Variants in CDC42BPG observed in about 807,000 individuals in gnomAD.
The protein encoded by CDC42BPG is serine/threonine-protein kinase MRCK gamma.
A neutral mutation model predicts 192.2 loss-of-function variants in CDC42BPG; 157 were observed. The ratio of observed to expected loss-of-function variants is 0.82; its 90% CI spans 0.72 to 0.93. The LOEUF (loss-of-function observed/expected upper bound fraction) is 0.93. CDC42BPG is among the 40% of genes least tolerant of loss of function. CDC42BPG has a pLI of 0.00. For synonymous variants in CDC42BPG, 981 were observed against 918.5 expected (o/e 1.07, Z -1.23); for missense variants, 1,992 against 2,122.1 (o/e 0.94, Z 1.20).
At position 64,827,557 on chromosome 11, in the gene CDC42BPG, G is replaced by C; in HGVS notation, c.4120C>G (p.Arg1374Gly). ...AGCTGGTTCCTGAGGTAGGTCAGGC[G>C]GACCTTCTCGGTGCCGTAGAGGAAC... is the stretch of plus-strand genomic sequence containing the variant. Reference protein sequence around the residue: ...SLFLYGTEKVRLTYLRNQLAE... With the variant: ...SLFLYGTEKVGLTYLRNQLAE... The change falls in exon 32 of 37, where the codon CGC becomes GGC. Residue 1374 changes from arginine (R) to glycine (G), a missense_variant. Transcript: ENST00000342711. The C allele has an allele frequency of 6.2e-7, 1 of 1,612,758 alleles. No homozygotes were observed. The highest frequency in any genetic ancestry group is 8.5e-7 in the Non-Finnish European group (1 of 1,179,212).
intron 28 of CDC42BPG, among the ~76,000 whole-genome samples, chr11:64,830,966 C>A (rs1384204697): frequency 6.6e-6 from 1 of 152,226 alleles, no homozygotes. Flanking sequence ...GCCTATAATT[C>A]CAGCACTTTG....
chr11:64,827,651 C>T, intron 31 of CDC42BPG, 35 bp downstream of exon 31: 2 of 1,605,344 alleles, frequency 1.2e-6, no homozygotes, highest in East Asian at 2.2e-5. Flanking sequence ...CGCCTCCACC[C>T]CCGGCGCTAC....
chr11:64,844,517 C>A lies in CDC42BPG; in HGVS notation c.53G>T (p.Gly18Val). 7.5e-7 allele frequency: 1 copy of A among 1,327,178 alleles called. No individual in the cohort carries two copies. Among genetic ancestry groups the A allele is most frequent in the Non-Finnish European group, 9.6e-7 (1 of 1,038,934 alleles). The allele number at this position is 1,327,178 out of a possible 1,614,324, so 82.2% of individuals were successfully genotyped here. A position where few individuals can be genotyped will look rare whatever the true frequency, so the allele number is the denominator to read the frequency against. ...LEQLARGEAG[G>V]CPGLDGLLDL... is the part of the protein sequence containing the mutation. Reference sequence around the variant, plus strand: ...TAGGAGGCCGTCGAGCCCCGGGCAGCCGCCGGCCTCGCCCCGCGCCAGCTG... The same window carrying A: ...TAGGAGGCCGTCGAGCCCCGGGCAGACGCCGGCCTCGCCCCGCGCCAGCTG... The change falls in exon 1 of 37, where the codon GGC (glycine) becomes GTC (valine). Residue 18 changes from glycine (G) to valine (V), a missense_variant. By Grantham distance (109) the Gly-to-Val change is moderately radical (BLOSUM62 -3). Transcript: ENST00000342711.
chr11:64,843,993 C>T (rs1375758046), intron 1 of CDC42BPG, among the ~76,000 whole-genome samples: 1 of 152,148 alleles, frequency 6.6e-6, no homozygotes, highest in Admixed American at 6.5e-5. Flanking sequence ...AGTTGTGTGT[C>T]TCAATGCATC....
At chr11:64,840,747 G>C in intron 3 of CDC42BPG, 99 bp from the exon 4 acceptor site, 1 of 1,038,838 alleles carries the variant, frequency 9.6e-7, no homozygotes, top group Non-Finnish European at 1.5e-6. Flanking sequence ...GTGAGTCTGG[G>C]AGCTCAGATG....
rs1171286789 is a variant in CDC42BPG at position 64,833,314 on chromosome 11, G to T, written c.2648C>A (p.Pro883His). The change falls in exon 24 of 37, where the codon CCC (proline) becomes CAC (histidine). Residue 883 changes from proline to histidine, a missense_variant. Pro to His is a moderately conservative substitution (Grantham distance 77). This residue lies in a region of CDC42BPG where 1,656 missense variants were observed against 1,844.3 expected (regional missense o/e 0.90). Coordinates refer to ENST00000342711, the MANE Select transcript of CDC42BPG (RefSeq NM_017525.3). ...PAKPGSHTLR[P>H]RSFPSPTKCL... Reference sequence around the variant, plus strand: ...CTTGGTCGGGGATGGGAAGCTCCGGGGGCGCAGCGTGTGTGAGCCGGGCTG... The same window carrying T: ...CTTGGTCGGGGATGGGAAGCTCCGGTGGCGCAGCGTGTGTGAGCCGGGCTG... 1 of 1,536,618 alleles carries T rather than the reference G, an allele frequency of 6.5e-7. No homozygotes were observed.
At chr11:64,830,995 A>G (rs1167214670) in intron 28 of CDC42BPG, among the ~76,000 whole-genome samples, 1 of 152,180 alleles carries the variant, frequency 6.6e-6, no homozygotes, top group Non-Finnish European at 1.5e-5. Flanking sequence ...AGGTGGGTGG[A>G]TCACCTGAGG....
Position 64,827,065 on chromosome 11 carries a change from G to A in CDC42BPG, c.4374C>T (p.Ala1458=). The stretch of plus-strand genomic sequence containing the variant: ...GAGGACTAACCGGGGACTTGTCCCT[G>A]GCGCCGGGCCGCCCGTTGGCAGGGC... ...HVGPANGRPG[A]RDKSPAPEEK... The change falls in exon 34 of 37, where the codon GCC becomes GCT. Residue 1458 remains alanine (A), a synonymous_variant. Coordinates refer to ENST00000342711, the MANE Select transcript of CDC42BPG (RefSeq NM_017525.3). 6.2e-7 allele frequency: 1 copy of A among 1,611,706 alleles called. No homozygotes were observed. Among genetic ancestry groups the A allele is most frequent in the South Asian group, 1.1e-5 (1 of 91,034 alleles).
chr11:64,836,624 TC>T, intron 11 of CDC42BPG, 94 bp from the exon 12 acceptor site: 1 of 1,305,210 alleles, frequency 7.7e-7, no homozygotes, highest in Non-Finnish European at 1.1e-6. Flanking sequence ...ACACGCGGGC[TC>T]AGAGAGTATA....
Position 64,827,768 on chromosome 11 carries a change from T to C in CDC42BPG, c.3983A>G (p.Tyr1328Cys), listed in dbSNP as rs770655403. ...GGAGTTCTCGCTGAACACTGTCAGG[T>C]AGGGGGCCGCATACCCTGCGGGCAC... ...APMGWGYAAP[Y>C]LTVFSENSID... Residue 1328 changes from tyrosine (Y) to cysteine (C), a missense_variant, in exon 31 of 37, where the codon TAC becomes TGC. This residue lies in a region of CDC42BPG where 1,656 missense variants were observed against 1,844.3 expected (regional missense o/e 0.90). Coordinates refer to ENST00000342711, the MANE Select transcript of CDC42BPG (RefSeq NM_017525.3). 6.2e-7 allele frequency: 1 copy of C among 1,611,024 alleles called. No homozygotes were observed. Among genetic ancestry groups the C allele is most frequent in the Non-Finnish European group, 8.5e-7 (1 of 1,178,366 alleles).
intron 27 of CDC42BPG, 69 bp from the exon 28 acceptor site, chr11:64,831,790 C>T (rs1942705900): frequency 1.4e-5 from 20 of 1,418,426 alleles, no homozygotes; most frequent in South Asian, 1.4e-4. Context: ...TTCCTGCCTC[C>T]AGCAGCCGCT....
chr11:64,834,243 G>A lies in CDC42BPG; in HGVS notation c.2413+23C>T, dbSNP rs367641599. On this transcript the variant is annotated intron_variant, in intron 20 of 36. Coordinates refer to ENST00000342711, the MANE Select transcript of CDC42BPG (RefSeq NM_017525.3). Reference sequence around the variant, plus strand: ...GGCCGCGGGGGAGCCTGGCTCCGGGGCAAGCAGTTGGCAGCCACTCACCCA... The same window carrying A: ...GGCCGCGGGGGAGCCTGGCTCCGGGACAAGCAGTTGGCAGCCACTCACCCA... 2.1e-5 allele frequency: 32 copies of A among 1,549,024 alleles called. No individual in the cohort carries two copies. The African/African-American group carries it at 4.1e-4, about 20-fold the overall frequency.
rs751822475 is a variant in CDC42BPG at position 64,834,272 on chromosome 11, G to T, written c.2407C>A (p.Pro803Thr). The change falls in exon 20 of 37, where the codon CCA (proline) becomes ACA (threonine). Residue 803 changes from proline to threonine, a missense_variant. By Grantham distance (38) the Pro-to-Thr change is conservative (BLOSUM62 -1). This residue lies in a region of CDC42BPG where 1,656 missense variants were observed against 1,844.3 expected (regional missense o/e 0.90). Transcript: ENST00000342711. ...GCAGTTGGCAGCCACTCACCCACTG[G>T]CCCTCGGGCCCGCAGCTCCTCCCGC... ...MLREELRARG[P>T]VDTKPSNSLI... 6 of 1,570,308 alleles carry T rather than the reference G, an allele frequency of 3.8e-6. No individual in the cohort carries two copies. Among genetic ancestry groups the T allele is most frequent in the Non-Finnish European group, 8.6e-7 (1 of 1,164,142 alleles).
chr11:64,829,455 C>G lies in CDC42BPG; in HGVS notation c.3967+16G>C. On this transcript the variant is annotated intron_variant, in intron 30 of 36. Coordinates refer to ENST00000342711, the MANE Select transcript of CDC42BPG (RefSeq NM_017525.3). The stretch of plus-strand genomic sequence containing the variant: ...AAGGTGCCTGGCCCCCCTGCCAAGC[C>G]CTCAGCAGGCCTTACCCCAGCCCAT... 2 of 1,608,592 alleles carry G rather than the reference C, an allele frequency of 1.2e-6. No individual in the cohort carries two copies. Among genetic ancestry groups the G allele is most frequent in the Non-Finnish European group, 1.7e-6 (2 of 1,178,144 alleles).
intron 10 of CDC42BPG, 44 bp from the exon 11 acceptor site, chr11:64,836,863 C>T (rs1298935602): frequency 3.7e-6 from 6 of 1,610,038 alleles, no homozygotes; most frequent in Non-Finnish European, 5.1e-6. Flanking sequence ...CTCCTCCATT[C>T]CCGCAGCAGC....
Position 64,839,609 on chromosome 11 carries a change from C to T in CDC42BPG, c.582-38G>A, listed in dbSNP as rs191566451. On this transcript the variant is annotated intron_variant, in intron 5 of 36. Coordinates refer to ENST00000342711, the MANE Select transcript of CDC42BPG (RefSeq NM_017525.3). ...AGGCAGGGAGAGTGAGGCGTTTGAC[C>T]TGTGTGTAAGTGGCCATTTAGGCAC... 394 of 1,577,476 alleles carry T rather than the reference C, an allele frequency of 2.5e-4. No individual in the cohort carries two copies. In the African/African-American group the frequency reaches 4.3e-3, roughly 17 times the overall value.
At chr11:64,824,557 G>C in intron 36 of CDC42BPG, 28 bp from the exon 37 acceptor site, 1 of 1,556,850 alleles carries the variant, frequency 6.4e-7, no homozygotes. Context: ...GGAAGTCAAG[G>C]GGTAGGATCA....
chr11:64,838,657 A>G lies in CDC42BPG; in HGVS notation c.1122T>C (p.His374=). The G allele has an allele frequency of 6.2e-7, 1 of 1,612,138 alleles. No individual in the cohort carries two copies. The highest frequency in any genetic ancestry group is 2.2e-5 in the East Asian group (1 of 44,862). The change falls in exon 8 of 37, where the codon CAT becomes CAC. Residue 374 remains histidine (H), a synonymous_variant. Transcript: ENST00000342711. ...NFDVDDDTLN[H]PGTLPPPSHG... The stretch of plus-strand genomic sequence containing the variant: ...TGCAGTGGCCTTTGCCACTCACTGG[A>G]TGGTTGAGGGTGTCGTCATCCACAT...
intron 11 of CDC42BPG, 21 bp downstream of exon 11, chr11:64,836,718 G>GGGGGC: frequency 1.2e-6 from 1 of 849,758 alleles, no homozygotes; most frequent in African/African-American, 2.0e-5. Flanking sequence ...GGGGGGGGGG[G>GGGGGC]GGGGTGGGCG....
Sources: allele counts gnomAD v4.1 joint callset (sites outside exome capture counted in the v4.1 genomes callset), GRCh38; gene constraint gnomAD v4.1.1; regional missense constraint gnomAD v4.1.1; transcripts MANE v1.5; gene names NCBI Gene and HGNC (gene_info 2026-07-23, HGNC 2026-07-21).